The following KIRREL3 variants were observed in gnomAD, a reference collection of about 807,000 sequenced individuals.
KIRREL3 encodes kirre like nephrin family adhesion molecule 3, also known as kin of IRRE-like protein 3.
A neutral mutation model predicts 89.7 loss-of-function variants in KIRREL3; 36 were observed. The observed-to-expected ratio is 0.40, with a 90% CI of 0.31 to 0.53. The LOEUF (loss-of-function observed/expected upper bound fraction) is 0.53, where lower values mean the gene tolerates loss of function less well. Among genes scored for constraint, KIRREL3 ranks in the 20% least tolerant of loss-of-function variants. KIRREL3 has a pLI of 0.49. For synonymous variants in KIRREL3, 445 were observed against 441.4 expected (o/e 1.01, Z -0.10); for missense variants, 864 against 1,056.6 (o/e 0.82, Z 2.53).
intron 1 of KIRREL3, among the ~76,000 whole-genome samples, chr11:126,960,731 T>G (rs1365350115): frequency 2.0e-5 from 3 of 152,208 alleles, no homozygotes; most frequent in Non-Finnish European, 4.4e-5. Context: ...TATTTATCAA[T>G]GTATTTTTTT....
At chr11:126,497,573 G>C (rs1957713469) in intron 4 of KIRREL3, among the ~76,000 whole-genome samples, 1 of 152,354 alleles carries the variant, frequency 6.6e-6, no homozygotes, top group East Asian at 1.9e-4. Flanking sequence ...GTTGGCATCT[G>C]TTATCACAGG....
chr11:126,451,525 G>T (rs1329852200), intron 7 of KIRREL3, among the ~76,000 whole-genome samples: 1 of 115,582 alleles, frequency 8.7e-6, no homozygotes, highest in Non-Finnish European at 1.8e-5. Context: ...TTTGTGAGTG[G>T]GTGCATGTGT....
In KIRREL3 at chr11:126,651,234, A is replaced by G. The variant is rs926220266; in HGVS notation, c.56-88322T>C. Reference sequence around the variant, plus strand: ...TGCTATAGGATTTCTCAGCTAGACTAAGAAAGTCTTTTGGGAATTGGTGGG... The same window carrying G: ...TGCTATAGGATTTCTCAGCTAGACTGAGAAAGTCTTTTGGGAATTGGTGGG... On this transcript the variant is annotated intron_variant, in intron 1 of 16. Transcript: ENST00000525144. This position sits in a 1 kb window ranked among gnomAD's most constrained non-coding sequence, Gnocchi z 4.6. Among the ~76,000 whole-genome samples, 10 of 152,252 alleles carry G rather than the reference A, an allele frequency of 6.6e-5. No individual in the cohort carries two copies. Among genetic ancestry groups the G allele is most frequent in the Admixed American group, 6.5e-4 (10 of 15,288 alleles).
At chr11:126,888,435 C>A (rs1945783027) in intron 1 of KIRREL3, among the ~76,000 whole-genome samples, 3 of 152,156 alleles carry the variant, frequency 2.0e-5, no homozygotes. Context: ...CAGGGAAGAG[C>A]ATAGGAGGGC....
chr11:126,912,591 C>T lies in KIRREL3; in HGVS notation c.55+87864G>A, dbSNP rs1217936294. Among the ~76,000 whole-genome samples the T allele has an allele frequency of 3.9e-5, 6 of 152,202 alleles. No individual in the cohort carries two copies. Among genetic ancestry groups the T allele is most frequent in the East Asian group, 1.9e-4 (1 of 5,192 alleles). ...TCATCTTATCTATTCATCTGGAATA[C>T]GATCCTGATGAACAGGAGAAGGGAG... On this transcript the variant is annotated intron_variant, in intron 1 of 16. Coordinates refer to ENST00000525144, the MANE Select transcript of KIRREL3 (RefSeq NM_032531.4). The surrounding 1 kb of genome is among the most constrained non-coding windows in gnomAD (Gnocchi z 4.7).
At chr11:126,730,270 C>T (rs570930361) in intron 1 of KIRREL3, among the ~76,000 whole-genome samples, 38 of 152,354 alleles carry the variant, frequency 2.5e-4, no homozygotes, top group African/African-American at 7.7e-4. Context: ...GAGTGTGACA[C>T]GTCCAAATGA....
intron 1 of KIRREL3, among the ~76,000 whole-genome samples, chr11:126,921,461 ACCTATCTG>A (rs1947285719): frequency 6.7e-6 from 1 of 149,638 alleles, no homozygotes; most frequent in African/African-American, 2.5e-5. Context: ...CTATCTATCT[ACCTATCTG>A]TCCATCCATC....
chr11:126,647,582 T>A lies in KIRREL3; in HGVS notation c.56-84670A>T, dbSNP rs1046411524. On this transcript the variant is annotated intron_variant, in intron 1 of 16. Transcript: ENST00000525144. The surrounding 1 kb of genome is among the most constrained non-coding windows in gnomAD (Gnocchi z 4.9). ...AAAAGTTTACAGCGAAGATCAAATC[T>A]GTCAGCAAATCCCTTTGGTTCTTCC... 6.6e-6 allele frequency among the ~76,000 whole-genome samples: 1 copy of A among 152,250 alleles called. No individual in the cohort carries two copies. Among genetic ancestry groups the A allele is most frequent in the Non-Finnish European group, 1.5e-5 (1 of 68,038 alleles).
At chr11:126,692,443 G>A (rs1209915651) in intron 1 of KIRREL3, among the ~76,000 whole-genome samples, 4 of 150,054 alleles carry the variant, frequency 2.7e-5, no homozygotes, top group African/African-American at 4.9e-5. Flanking sequence ...TCCTCAGGAG[G>A]CTGAGGCAGG....
intron 1 of KIRREL3, among the ~76,000 whole-genome samples, chr11:126,589,066 CG>C (rs1455527496): frequency 6.6e-6 from 1 of 152,070 alleles, no homozygotes; most frequent in Non-Finnish European, 1.5e-5. Context: ...CTGCCTCTCC[CG>C]GTCCCTTCCA....
Position 126,734,019 on chromosome 11 carries a change from C to T in KIRREL3, c.56-171107G>A, listed in dbSNP as rs981932284. Among the ~76,000 whole-genome samples, 1 of 152,182 alleles carries T rather than the reference C, an allele frequency of 6.6e-6. No individual in the cohort carries two copies. Among genetic ancestry groups the T allele is most frequent in the South Asian group, 2.1e-4 (1 of 4,826 alleles). On this transcript the variant is annotated intron_variant, in intron 1 of 16. Coordinates refer to ENST00000525144, the MANE Select transcript of KIRREL3 (RefSeq NM_032531.4). The surrounding 1 kb of genome is among the most constrained non-coding windows in gnomAD (Gnocchi z 5.9). ...TGGGAAGCAGCCCAGAAGAGGTCAG[C>T]GTCTGCCTCTCAAGGTGTGGGCTGT... is the stretch of plus-strand genomic sequence containing the variant.
chr11:126,461,287 G>T (rs948057), intron 6 of KIRREL3, among the ~76,000 whole-genome samples: 70,975 of 152,124 alleles, frequency 0.47, 19,405 homozygotes, highest in East Asian at 0.82. Context: ...GGAGGAGGCG[G>T]TGCTCAGACC....
rs542390410 is a variant in KIRREL3, at chr11:126,550,913, C to T, written c.133+11922G>A. Reference sequence around the variant, plus strand: ...AGTGTCAGATCCCACAGGCTGGGGGCTCAGTCCCCAAGACTTCCCCCACAC... The same window carrying T: ...AGTGTCAGATCCCACAGGCTGGGGGTTCAGTCCCCAAGACTTCCCCCACAC... On this transcript the variant is annotated intron_variant, in intron 2 of 16. Coordinates refer to ENST00000525144, the MANE Select transcript of KIRREL3 (RefSeq NM_032531.4). This position sits in a 1 kb window ranked among gnomAD's most constrained non-coding sequence, Gnocchi z 4.9. 4.6e-5 allele frequency among the ~76,000 whole-genome samples: 7 copies of T among 152,258 alleles called. No individual in the cohort carries two copies. Among genetic ancestry groups the T allele is most frequent in the African/African-American group, 1.7e-4 (7 of 41,556 alleles).
intron 1 of KIRREL3, among the ~76,000 whole-genome samples, chr11:126,881,559 A>AT: frequency 6.6e-6 from 1 of 152,234 alleles, no homozygotes; most frequent in African/African-American, 2.4e-5. Context: ...TCATTTTAAT[A>AT]TTTTTTGAGA....
intron 6 of KIRREL3, among the ~76,000 whole-genome samples, chr11:126,456,673 T>C (rs3809005): frequency 0.84 from 127,158 of 152,116 alleles, 53,488 homozygotes; most frequent in African/African-American, 0.93. Context: ...TGGGGCCTGG[T>C]GTGGACACGA....
chr11:126,483,439 T>A (rs535700808), intron 4 of KIRREL3, among the ~76,000 whole-genome samples: 3,238 of 152,282 alleles, frequency 0.021, 120 homozygotes, highest in African/African-American at 0.069. Context: ...ATATATTACT[T>A]TTTCTCCCCT....
rs1450795220 is a variant in KIRREL3 at position 126,923,227 on chromosome 11, T to A, written c.55+77228A>T. The stretch of plus-strand genomic sequence containing the variant: ...TTCTTCTTCTTCTTCTTCTTCTTCT[T>A]CTTCTTCTTCTTCTTCTTCTTCTTC... On this transcript the variant is annotated intron_variant, in intron 1 of 16. Transcript: ENST00000525144. 4.0e-4 allele frequency among the ~76,000 whole-genome samples: 16 copies of A among 39,798 alleles called. 4 individuals carry two copies. The highest frequency in any genetic ancestry group is 3.1e-4 in the Non-Finnish European group (6 of 19,136). The allele number at this position is 39,798 out of a possible 152,430, so 26.1% of individuals were successfully genotyped here.
Position 126,627,250 on chromosome 11 carries a change from A to G in KIRREL3, c.56-64338T>C, listed in dbSNP as rs907913148. On this transcript the variant is annotated intron_variant, in intron 1 of 16. Coordinates refer to ENST00000525144, the MANE Select transcript of KIRREL3 (RefSeq NM_032531.4). This position sits in a 1 kb window ranked among gnomAD's most constrained non-coding sequence, Gnocchi z 5.0. ...AGAGTGTGAAAGGGACCTATTTGGG[A>G]GAGGTGGCTGTAGGATGCTGAGGAT... Among the ~76,000 whole-genome samples the G allele has an allele frequency of 6.6e-6, 1 of 152,196 alleles. No homozygotes were observed. Among genetic ancestry groups the G allele is most frequent in the Admixed American group, 6.5e-5 (1 of 15,276 alleles).
intron 5 of KIRREL3, among the ~76,000 whole-genome samples, chr11:126,467,522 G>A (rs1462472703): frequency 6.6e-6 from 1 of 152,196 alleles, no homozygotes; most frequent in Non-Finnish European, 1.5e-5. Flanking sequence ...AATATGGGGT[G>A]CCCGATGACA....
Sources: gnomAD v4.1 joint callset for allele counts (sites outside exome capture counted in the v4.1 genomes callset) on GRCh38, gnomAD v4.1.1 for gene constraint, Gnocchi (gnomAD v3.1) non-coding constraint, MANE v1.5 for transcripts, NCBI Gene and HGNC (gene_info 2026-07-23, HGNC 2026-07-21) for gene names.